Variants in DRC8 observed in about 807,000 individuals in gnomAD.
DRC8 encodes the protein dynein regulatory complex subunit 8.
At chr1:245,073,909 A>G in the DRC8 span, among the ~76,000 whole-genome samples, 1 of 152,244 alleles carries the variant, frequency 6.6e-6, no homozygotes, top group Non-Finnish European at 1.5e-5. Context: ...CTGTAACAAG[A>G]AAAAGAAGAA....
the DRC8 span, among the ~76,000 whole-genome samples, chr1:245,036,434 G>C: frequency 6.6e-6 from 1 of 152,198 alleles, no homozygotes; most frequent in South Asian, 2.1e-4. Context: ...CAGTTTAGTA[G>C]TTCTTGGGAA....
chr1:245,080,059 G>A, the DRC8 span, among the ~76,000 whole-genome samples: 1 of 152,270 alleles, frequency 6.6e-6, no homozygotes, highest in Non-Finnish European at 1.5e-5. Context: ...TACCTTGCTA[G>A]GTGTGAATCT....
chr1:245,007,828 G>GT, the DRC8 span, among the ~76,000 whole-genome samples: 1 of 152,108 alleles, frequency 6.6e-6, no homozygotes, highest in Non-Finnish European at 1.5e-5. Flanking sequence ...TTCAAGATGG[G>GT]TAATGACTTT....
chr1:245,094,202 C>T, the DRC8 span, among the ~76,000 whole-genome samples: 1 of 152,062 alleles, frequency 6.6e-6, no homozygotes, highest in African/African-American at 2.4e-5. Context: ...TTATCAAATC[C>T]GATTAGCCTG....
chr1:245,025,458 A>G, the DRC8 span, among the ~76,000 whole-genome samples: 194 of 152,338 alleles, frequency 1.3e-3, no homozygotes, highest in African/African-American at 4.4e-3. Context: ...AAGAATATCA[A>G]ATAAAAAATA....
the DRC8 span, among the ~76,000 whole-genome samples, chr1:245,032,819 T>C: frequency 1.3e-5 from 2 of 151,950 alleles, no homozygotes; most frequent in African/African-American, 4.8e-5. Context: ...GCAATACAAA[T>C]CCATAAATGC....
chr1:245,108,238 T>G, the DRC8 span, among the ~76,000 whole-genome samples: 3,910 of 152,242 alleles, frequency 0.026, 139 homozygotes, highest in East Asian at 0.15. Flanking sequence ...CCCAGCCTCC[T>G]GCAGTCTCAC....
the DRC8 span, chr1:245,023,079 C>T: frequency 3.9e-5 from 6 of 152,166 alleles, no homozygotes; most frequent in Admixed American, 2.0e-4. Flanking sequence ...GGCCCCTGCA[C>T]GAGGATGACA....
At chr1:245,078,334 G>A in the DRC8 span, among the ~76,000 whole-genome samples, 3 of 152,262 alleles carry the variant, frequency 2.0e-5, no homozygotes, top group African/African-American at 7.2e-5. Flanking sequence ...ATGGGTATAA[G>A]TCCCAAAAGA....
chr1:245,065,215 G>T, the DRC8 span, among the ~76,000 whole-genome samples: 1 of 150,604 alleles, frequency 6.6e-6, no homozygotes, highest in Admixed American at 6.6e-5. Context: ...ATCACGCCCG[G>T]CTAATTTTTG....
the DRC8 span, among the ~76,000 whole-genome samples, chr1:244,979,212 C>G: frequency 1.3e-5 from 2 of 151,202 alleles, no homozygotes; most frequent in Non-Finnish European, 2.9e-5. Flanking sequence ...CATGCATATA[C>G]CCAGAGCATG....
the DRC8 span, chr1:245,124,682 G>T: frequency 1.3e-5 from 2 of 152,104 alleles, no homozygotes; most frequent in Non-Finnish European, 2.9e-5. Context: ...TTTTGTTTAA[G>T]ACTTGCTTAA....
At chr1:245,099,229 C>T in the DRC8 span, among the ~76,000 whole-genome samples, 13 of 152,258 alleles carry the variant, frequency 8.5e-5, no homozygotes, top group African/African-American at 9.6e-5. Context: ...TCCACTGCTC[C>T]GGAAACTGGA....
At chr1:245,083,129 G>A in the DRC8 span, among the ~76,000 whole-genome samples, 11 of 152,338 alleles carry the variant, frequency 7.2e-5, no homozygotes, top group Non-Finnish European at 1.6e-4. Context: ...CAGCAAGAGA[G>A]TGAGCATTAC....
the DRC8 span, among the ~76,000 whole-genome samples, chr1:245,110,026 A>C: frequency 6.6e-6 from 1 of 152,128 alleles, no homozygotes; most frequent in South Asian, 2.1e-4. Context: ...TCCCATTTTA[A>C]TCTTCAATGC....
At chr1:245,068,421 A>G in the DRC8 span, among the ~76,000 whole-genome samples, 1 of 151,766 alleles carries the variant, frequency 6.6e-6, no homozygotes, top group Non-Finnish European at 1.5e-5. Flanking sequence ...TTTTAACTGG[A>G]CTGTAATTTT....
the DRC8 span, chr1:245,082,092 G>A: frequency 1.1e-5 from 17 of 1,610,176 alleles, no homozygotes; most frequent in African/African-American, 2.0e-4. Context: ...GGTAGAGGAA[G>A]AAGAACCCAC....
At chr1:245,065,518 T>C in the DRC8 span, among the ~76,000 whole-genome samples, 1 of 152,214 alleles carries the variant, frequency 6.6e-6, no homozygotes, top group Non-Finnish European at 1.5e-5. Context: ...TTAAATAGCA[T>C]CCTGTTCTTG....
At chr1:245,035,926 C>A in the DRC8 span, among the ~76,000 whole-genome samples, 37 of 151,040 alleles carry the variant, frequency 2.4e-4, no homozygotes, top group Admixed American at 1.5e-3. Context: ...GAGCTAAAAT[C>A]GTAAGACCCT....
Sources: allele counts gnomAD v4.1 joint callset (sites outside exome capture counted in the v4.1 genomes callset), GRCh38; gene constraint gnomAD v4.1.1; transcripts MANE v1.5; gene names NCBI Gene and HGNC (gene_info 2026-07-23, HGNC 2026-07-21).